Variants in RAPGEF4 observed in about 807,000 individuals in gnomAD.
RAPGEF4 encodes RAP guanine-nucleotide-exchange factor (GEF) 4.
A neutral mutation model predicts 147.9 loss-of-function variants in RAPGEF4; 66 were observed. That is an observed-to-expected ratio of 0.45 (90% confidence interval 0.37 to 0.55). The LOEUF is 0.55. Among genes scored for constraint, RAPGEF4 ranks in the 20% least tolerant of loss-of-function variants. The pLI is 0.00. For synonymous variants in RAPGEF4, 419 were observed against 442.7 expected (o/e 0.95, Z 0.67); for missense variants, 1,071 against 1,257.3 (o/e 0.85, Z 2.24).
chr2:172,824,411 A>T (rs996838235), intron 4 of RAPGEF4, among the ~76,000 whole-genome samples: 5 of 152,164 alleles, frequency 3.3e-5, no homozygotes, highest in African/African-American at 1.2e-4. Flanking sequence ...TTCTGCATAC[A>T]CCTGGCTGGT....
intron 4 of RAPGEF4, among the ~76,000 whole-genome samples, chr2:172,847,803 G>T (rs767910369): frequency 3.3e-5 from 5 of 152,176 alleles, no homozygotes; most frequent in African/African-American, 1.2e-4. Flanking sequence ...TTATTCTGAA[G>T]GTGTAATCTA....
chr2:172,824,844 T>A (rs1466188728), intron 4 of RAPGEF4, among the ~76,000 whole-genome samples: 3 of 152,232 alleles, frequency 2.0e-5, no homozygotes, highest in Non-Finnish European at 4.4e-5. Flanking sequence ...TCTGAATTCT[T>A]GGATCCCCTA....
At chr2:172,943,434 G>A (rs1687368920) in intron 6 of RAPGEF4, among the ~76,000 whole-genome samples, 1 of 152,164 alleles carries the variant, frequency 6.6e-6, no homozygotes, top group Non-Finnish European at 1.5e-5. Flanking sequence ...CCTCATCTGT[G>A]AAATGGGAGT....
chr2:172,953,433 A>C (rs1490192933), intron 6 of RAPGEF4, among the ~76,000 whole-genome samples: 1 of 149,628 alleles, frequency 6.7e-6, no homozygotes, highest in African/African-American at 2.4e-5. Flanking sequence ...TATATATGTA[A>C]TATATAGTCT....
rs1321225577 is a variant in RAPGEF4, at chr2:172,838,234, G to A, written c.444+23809G>A. 2.0e-5 allele frequency among the ~76,000 whole-genome samples: 3 copies of A among 151,990 alleles called. No individual in the cohort carries two copies. In the East Asian group the frequency reaches 5.8e-4, roughly 29 times the overall value. On this transcript the variant is annotated intron_variant, in intron 4 of 30. Transcript: ENST00000397081. Reference sequence around the variant, plus strand: ...AAAAATGAAACATGTTTATTTCTCTGTGGATATCATGACGTGAAAGAATAT... The same window carrying A: ...AAAAATGAAACATGTTTATTTCTCTATGGATATCATGACGTGAAAGAATAT...
chr2:172,881,948 G>T (rs747036404), intron 4 of RAPGEF4, among the ~76,000 whole-genome samples: 1 of 152,130 alleles, frequency 6.6e-6, no homozygotes, highest in Non-Finnish European at 1.5e-5. Flanking sequence ...CCACCCTATG[G>T]GGTTTAGTGA....
At chr2:172,939,378 G>A (rs1686920101) in intron 6 of RAPGEF4, among the ~76,000 whole-genome samples, 1 of 152,102 alleles carries the variant, frequency 6.6e-6, no homozygotes, top group South Asian at 2.1e-4. Flanking sequence ...TCTCATTCTT[G>A]TTTTTAATTT....
chr2:172,841,791 A>AACACACACACACACACACACACACACAC lies in RAPGEF4; in HGVS notation c.444+27392_444+27393insACACACACACACACACACACACACACAC, dbSNP rs3064818. Reference sequence around the variant, plus strand: ...ATCCAAATCTACATGTTGGCTGAATAACACACACACACACACACACACACA... The same window carrying AACACACACACACACACACACACACACAC: ...ATCCAAATCTACATGTTGGCTGAATAACACACACACACACACACACACACACACACACACACACACACACACACACACA... On this transcript the variant is annotated intron_variant, in intron 4 of 30. Transcript: ENST00000397081. Among the ~76,000 whole-genome samples, 159 of 147,074 alleles carry AACACACACACACACACACACACACACAC rather than the reference A, an allele frequency of 1.1e-3. 1 individual carries two copies. Among genetic ancestry groups the AACACACACACACACACACACACACACAC allele is most frequent in the South Asian group, 3.1e-3 (14 of 4,554 alleles).
intron 1 of RAPGEF4, among the ~76,000 whole-genome samples, chr2:172,738,148 T>C (rs796890373): frequency 2.6e-5 from 4 of 152,322 alleles, no homozygotes; most frequent in South Asian, 2.1e-4. Flanking sequence ...TTTATGGAAG[T>C]TGGCTAGGGA....
At chr2:172,795,716 A>G (rs921774425) in intron 2 of RAPGEF4, among the ~76,000 whole-genome samples, 12 of 152,260 alleles carry the variant, frequency 7.9e-5, no homozygotes, top group Non-Finnish European at 8.8e-5. Flanking sequence ...GGAATATTCA[A>G]TGACTTATAC....
At chr2:172,948,998 A>G (rs1687956979) in intron 6 of RAPGEF4, among the ~76,000 whole-genome samples, 1 of 152,184 alleles carries the variant, frequency 6.6e-6, no homozygotes, top group Non-Finnish European at 1.5e-5. Flanking sequence ...GTCCAACCTA[A>G]AATACCTTAG....
At chr2:172,756,152 G>T (rs193003343) in intron 1 of RAPGEF4, among the ~76,000 whole-genome samples, 34 of 152,274 alleles carry the variant, frequency 2.2e-4, no homozygotes, top group Admixed American at 3.9e-4. Flanking sequence ...ACTGATTAAG[G>T]TTCAAATATT....
intron 4 of RAPGEF4, among the ~76,000 whole-genome samples, chr2:172,853,587 A>G (rs2149745746): frequency 6.6e-6 from 1 of 151,798 alleles, no homozygotes; most frequent in African/African-American, 2.4e-5. Context: ...CTTTGGGTTT[A>G]ATTTGTTCTT....
intron 17 of RAPGEF4, among the ~76,000 whole-genome samples, chr2:173,009,796 CCT>C (rs1469390741): frequency 6.6e-6 from 1 of 152,136 alleles, no homozygotes; most frequent in Admixed American, 6.5e-5. Context: ...GATTTCTGTG[CCT>C]CTCTATCAGA....
Position 172,919,887 on chromosome 2 carries a change from C to G in RAPGEF4, c.517+2013C>G, listed in dbSNP as rs565620099. Among the ~76,000 whole-genome samples the G allele has an allele frequency of 4.1e-4, 62 of 152,174 alleles. No individual in the cohort carries two copies. In the South Asian group the frequency reaches 0.013, roughly 31 times the overall value. ...GGACTCCTCCTTTCTCTCGCCATCACCCCTGCTTGCCCGGGCCCAGCGCCC... is the reference window on the plus strand; with the variant it reads ...GGACTCCTCCTTTCTCTCGCCATCAGCCCTGCTTGCCCGGGCCCAGCGCCC... On this transcript the variant is annotated intron_variant, in intron 5 of 30. Coordinates refer to ENST00000397081, the MANE Select transcript of RAPGEF4 (RefSeq NM_007023.4).
intron 4 of RAPGEF4, among the ~76,000 whole-genome samples, chr2:172,824,535 T>C (rs1689452038): frequency 6.6e-6 from 1 of 152,212 alleles, no homozygotes; most frequent in Admixed American, 6.5e-5. Context: ...TACTTCCAAG[T>C]TAGAGTTTCT....
At chr2:172,744,443 C>T (rs909712066) in intron 1 of RAPGEF4, 17 of 456,150 alleles carry the variant, frequency 3.7e-5, no homozygotes, top group African/African-American at 1.0e-4. Context: ...CTAATGCAAA[C>T]GTTGCGTGGT....
intron 29 of RAPGEF4, among the ~76,000 whole-genome samples, chr2:173,043,036 T>C (rs1162457363): frequency 2.6e-5 from 4 of 152,224 alleles, no homozygotes; most frequent in African/African-American, 7.2e-5. Flanking sequence ...GTCCTCACTG[T>C]GCCTGGCCAT....
At chr2:172,955,816 G>C (rs902766822) in intron 6 of RAPGEF4, among the ~76,000 whole-genome samples, 1 of 152,126 alleles carries the variant, frequency 6.6e-6, no homozygotes, top group Non-Finnish European at 1.5e-5. Flanking sequence ...TGTAGGGAGC[G>C]AGTGAGAGGG....
Sources: gnomAD v4.1 joint callset for allele counts (sites outside exome capture counted in the v4.1 genomes callset) on GRCh38, gnomAD v4.1.1 for gene constraint, MANE v1.5 for transcripts, NCBI Gene and HGNC (gene_info 2026-07-23, HGNC 2026-07-21) for gene names.